The following NDRG3 variants were observed in gnomAD, a reference collection of about 807,000 sequenced individuals.
NDRG3 encodes NDRG family member 3.
NDRG3 carries 23 observed loss-of-function variants against 57.2 expected under a neutral mutation model. The observed-to-expected ratio is 0.40, with a 90% CI of 0.29 to 0.57. The LOEUF is 0.57. Ranked by LOEUF, NDRG3 falls within the 20% of genes least tolerant of loss-of-function variation. The pLI, the probability that NDRG3 is intolerant of heterozygous loss-of-function variation, is 0.42. For missense variants in NDRG3, 384 were observed against 457.3 expected (o/e 0.84, Z 1.46); for synonymous variants, 132 against 162.6 (o/e 0.81, Z 1.43).
At chr20:36,686,376 T>C (rs1981783310) in intron 5 of NDRG3, among the ~76,000 whole-genome samples, 1 of 152,212 alleles carries the variant, frequency 6.6e-6, no homozygotes, top group African/African-American at 2.4e-5. Context: ...AGTAAACTTA[T>C]CCCATAGGGT....
At chr20:36,710,707 T>G (rs1428006550) in intron 2 of NDRG3, among the ~76,000 whole-genome samples, 4 of 151,196 alleles carry the variant, frequency 2.6e-5, no homozygotes, top group African/African-American at 7.3e-5. Context: ...CTCGGGAGGC[T>G]GAGGCAGGAG....
At chr20:36,709,732 T>C (rs1242317916) in intron 2 of NDRG3, among the ~76,000 whole-genome samples, 2 of 152,230 alleles carry the variant, frequency 1.3e-5, no homozygotes, top group African/African-American at 4.8e-5. Flanking sequence ...AGATGGTTTT[T>C]GTAGGATATA....
At chr20:36,722,318 T>C (rs1165502529) in intron 1 of NDRG3, among the ~76,000 whole-genome samples, 1 of 152,204 alleles carries the variant, frequency 6.6e-6, no homozygotes, top group Non-Finnish European at 1.5e-5. Context: ...GAGAAGAAGC[T>C]GACCGACACC....
intron 3 of NDRG3, among the ~76,000 whole-genome samples, chr20:36,697,834 G>A (rs938668912): frequency 6.6e-6 from 1 of 151,550 alleles, no homozygotes; most frequent in Non-Finnish European, 1.5e-5. Context: ...ATAGATTTGT[G>A]TATATTTTAT....
At chr20:36,665,423 A>T in intron 10 of NDRG3, 122 bp from the exon 11 acceptor site, 10 of 862,558 alleles carry the variant, frequency 1.2e-5, no homozygotes, top group Non-Finnish European at 1.9e-5. Flanking sequence ...TTCACACCTG[A>T]GAAGGGAAGA....
intron 8 of NDRG3, among the ~76,000 whole-genome samples, chr20:36,671,877 T>C (rs1389754010): frequency 2.0e-5 from 3 of 151,444 alleles, no homozygotes; most frequent in African/African-American, 7.3e-5. Flanking sequence ...AACATAGAGA[T>C]GAGAAACAAG....
intron 13 of NDRG3, among the ~76,000 whole-genome samples, chr20:36,657,604 T>C (rs1278117766): frequency 6.6e-6 from 1 of 152,226 alleles, no homozygotes; most frequent in Non-Finnish European, 1.5e-5. Flanking sequence ...TTCTTCCAGC[T>C]GTTACACACT....
At chr20:36,676,292 G>A (rs1165116426) in intron 8 of NDRG3, among the ~76,000 whole-genome samples, 1 of 151,932 alleles carries the variant, frequency 6.6e-6, no homozygotes, top group African/African-American at 2.4e-5. Context: ...TAACAGATTA[G>A]GCATCTTTTA....
At chr20:36,680,303 G>A (rs534273142) in intron 8 of NDRG3, among the ~76,000 whole-genome samples, 1 of 151,686 alleles carries the variant, frequency 6.6e-6, no homozygotes, top group South Asian at 2.1e-4. Context: ...TGGTCAAGAT[G>A]GTGAAACCTG....
intron 3 of NDRG3, among the ~76,000 whole-genome samples, chr20:36,693,177 C>CAT (rs1254753875): frequency 2.0e-4 from 21 of 105,222 alleles, no homozygotes; most frequent in Admixed American, 3.6e-4. Context: ...TATATACACA[C>CAT]ATATATATAT....
In NDRG3 at chr20:36,653,737, C is replaced by A. The variant is rs755444162; in HGVS notation, c.947-36G>T. 6.3e-7 allele frequency: 1 copy of A among 1,591,908 alleles called. No homozygotes were observed. The highest frequency in any genetic ancestry group is 8.6e-7 in the Non-Finnish European group (1 of 1,168,184). On this transcript the variant is annotated intron_variant, in intron 15 of 15. Transcript: ENST00000349004. The surrounding 1 kb of genome is among the most constrained non-coding windows in gnomAD (Gnocchi z 4.2). Reference sequence around the variant, plus strand: ...GAACCAAGGGGACTAGAAGATGAAGCCCCGGTTAAGCCCAGCTAACCTAGG... The same window carrying A: ...GAACCAAGGGGACTAGAAGATGAAGACCCGGTTAAGCCCAGCTAACCTAGG...
intron 2 of NDRG3, among the ~76,000 whole-genome samples, chr20:36,712,570 TATATATATATA>T (rs1983963562): frequency 6.0e-5 from 1 of 16,616 alleles, no homozygotes; most frequent in African/African-American, 1.8e-4. Context: ...TATATATATA[TATATATATATA>T]TATATATTTT....
At chr20:36,742,775 T>C (rs191188763) in intron 1 of NDRG3, among the ~76,000 whole-genome samples, 1 of 152,344 alleles carries the variant, frequency 6.6e-6, no homozygotes, top group East Asian at 1.9e-4. Context: ...AACAGGAACC[T>C]GTTTGATTCA....
chr20:36,687,632 C>T lies in NDRG3; in HGVS notation c.200-20G>A, dbSNP rs1338976508. The T allele has an allele frequency of 6.2e-7, 1 of 1,608,940 alleles. No homozygotes were observed. On this transcript the variant is annotated intron_variant, in intron 4 of 15. Coordinates refer to ENST00000349004, the MANE Select transcript of NDRG3 (RefSeq NM_032013.4). ...ATTTATCTATAAGAATAAAAATACC[C>T]ATAAGTCACAGGCTCTCCATATCGC... is the stretch of plus-strand genomic sequence containing the variant.
chr20:36,658,071 T>C (rs559314539), intron 13 of NDRG3, among the ~76,000 whole-genome samples: 1 of 152,264 alleles, frequency 6.6e-6, no homozygotes, highest in African/African-American at 2.4e-5. Context: ...AGGGTTTAGT[T>C]TTATGCTTTT....
At chr20:36,660,706 G>A (rs1008951103) in intron 12 of NDRG3, among the ~76,000 whole-genome samples, 2 of 151,652 alleles carry the variant, frequency 1.3e-5, no homozygotes, top group Non-Finnish European at 2.9e-5. Flanking sequence ...GACTACAGGC[G>A]CCCGCTACCA....
At chr20:36,677,251 G>C (rs1250085545) in intron 8 of NDRG3, among the ~76,000 whole-genome samples, 1 of 152,200 alleles carries the variant, frequency 6.6e-6, no homozygotes, top group Non-Finnish European at 1.5e-5. Context: ...GCCCCTCCAA[G>C]CCCCGGGGCC....
chr20:36,686,771 T>C (rs527808314), intron 5 of NDRG3, among the ~76,000 whole-genome samples: 1 of 152,294 alleles, frequency 6.6e-6, no homozygotes, highest in South Asian at 2.1e-4. Context: ...CATTACTAGT[T>C]TGAGAGCTAA....
At position 36,729,137 on chromosome 20, in the gene NDRG3, G is replaced by A. The variant is rs559414634; in HGVS notation, c.-48-7354C>T. On this transcript the variant is annotated intron_variant, in intron 1 of 15. Coordinates refer to ENST00000349004, the MANE Select transcript of NDRG3 (RefSeq NM_032013.4). Reference sequence around the variant, plus strand: ...GTTTTTTCCTCTTTACCCAGCCTGTGGCACCTCCTTGAGGTAAGAGAAGGC... The same window carrying A: ...GTTTTTTCCTCTTTACCCAGCCTGTAGCACCTCCTTGAGGTAAGAGAAGGC... Among the ~76,000 whole-genome samples, 3 of 152,240 alleles carry A rather than the reference G, an allele frequency of 2.0e-5. No individual in the cohort carries two copies. In the East Asian group the frequency reaches 5.8e-4, roughly 29 times the overall value.
Sources: gnomAD v4.1 joint callset for allele counts (sites outside exome capture counted in the v4.1 genomes callset) on GRCh38, gnomAD v4.1.1 for gene constraint, Gnocchi (gnomAD v3.1) non-coding constraint, MANE v1.5 for transcripts, NCBI Gene and HGNC (gene_info 2026-07-23, HGNC 2026-07-21) for gene names.